KCNQ1: variants seen among roughly 807,000 people sequenced by gnomAD.
The protein encoded by KCNQ1 is potassium voltage-gated channel subfamily KQT member 1.
A neutral mutation model predicts 72.4 loss-of-function variants in KCNQ1; 49 were observed. That is an observed-to-expected ratio of 0.68 (90% CI 0.54 to 0.86). The LOEUF (loss-of-function observed/expected upper bound fraction) is 0.86. Ranked by LOEUF, KCNQ1 falls within the 40% of genes least tolerant of loss-of-function variation. The pLI is 0.00. For synonymous variants in KCNQ1, 450 were observed against 412.6 expected (o/e 1.09, Z -1.10); for missense variants, 790 against 945.1 (o/e 0.84, Z 2.15).
In KCNQ1 at chr11:2,781,935, C is replaced by T. The variant is rs983847810; in HGVS notation, c.1794+3898C>T. Among the ~76,000 whole-genome samples, 4 of 152,090 alleles carry T rather than the reference C, an allele frequency of 2.6e-5. No homozygotes were observed. Among genetic ancestry groups the T allele is most frequent in the Admixed American group, 2.6e-4 (4 of 15,280 alleles). ...ATCCAGGCCTCCAGGATGAGAATGCCCCCCAACCCAGGACTCCCAAAACCA... is the reference window on the plus strand; with the variant it reads ...ATCCAGGCCTCCAGGATGAGAATGCTCCCCAACCCAGGACTCCCAAAACCA... On this transcript the variant is annotated intron_variant, in intron 15 of 15. Transcript: ENST00000155840. The surrounding 1 kb of genome is among the most constrained non-coding windows in gnomAD (Gnocchi z 6.6).
rs12720450 is a variant in KCNQ1 at position 2,588,702 on chromosome 11, G to GT, written c.1252-3dup. The GT allele has an allele frequency of 1.2e-5, 20 of 1,612,326 alleles. No individual in the cohort carries two copies. The highest frequency in any genetic ancestry group is 4.0e-5 in the African/African-American group (3 of 74,810). On this transcript the variant is annotated splice_polypyrimidine_tract_variant and intron_variant, in intron 9 of 15. Transcript: ENST00000155840. This position sits in a 1 kb window ranked among gnomAD's most constrained non-coding sequence, Gnocchi z 5.6. ...CCAGGAACCGCTAATCTGTTGTCTT[G>GT]TTTTTTTTAGGTAAAGAAAAAAAAG...
In KCNQ1 at chr11:2,642,778, C is replaced by CT. The variant is rs1186699835; in HGVS notation, c.1394-19177dup. The CT allele has an allele frequency of 7.6e-6, 3 of 397,290 alleles. No individual in the cohort carries two copies. Among genetic ancestry groups the CT allele is most frequent in the East Asian group, 3.6e-5 (1 of 27,922 alleles). 24.6% of individuals were successfully genotyped at this position (397,290 alleles called of 1,614,324 possible). On this transcript the variant is annotated intron_variant, in intron 10 of 15. Coordinates refer to ENST00000155840, the MANE Select transcript of KCNQ1 (RefSeq NM_000218.3). The surrounding 1 kb of genome is among the most constrained non-coding windows in gnomAD (Gnocchi z 4.3). The stretch of plus-strand genomic sequence containing the variant: ...TTAGATTATTTAAGATCTTTTCTAC[C>CT]TTTTTTAATGGAGGCATTTATTACA...
intron 15 of KCNQ1, among the ~76,000 whole-genome samples, chr11:2,837,050 C>T (rs549616355): frequency 3.9e-5 from 6 of 152,194 alleles, no homozygotes; most frequent in East Asian, 1.9e-4. Flanking sequence ...GCTGGGGGCA[C>T]GGGGCATGGC....
At position 2,661,276 on chromosome 11, in the gene KCNQ1, C is replaced by T. The variant is rs1040721064; in HGVS notation, c.1394-685C>T. The T allele has an allele frequency of 2.8e-5, 11 of 399,000 alleles. No individual in the cohort carries two copies. The highest frequency in any genetic ancestry group is 1.3e-4 in the South Asian group (1 of 7,862). The allele number at this position is 399,000 out of a possible 1,614,324, so 24.7% of individuals were successfully genotyped here. On this transcript the variant is annotated intron_variant, in intron 10 of 15. Coordinates refer to ENST00000155840, the MANE Select transcript of KCNQ1 (RefSeq NM_000218.3). This position sits in a 1 kb window ranked among gnomAD's most constrained non-coding sequence, Gnocchi z 5.9. ...ATATTTAAATGAAGACAAATATAAG[C>T]CAAGAGCAAATACTGATAGTGTCAA...
At position 2,807,280 on chromosome 11, in the gene KCNQ1, G is replaced by A. The variant is rs151267023; in HGVS notation, c.1794+29243G>A. ...GCTCTGAAAGGCCTCCTATTCTGCT[G>A]GAAGCTAATTGGCCCGGGGTCTTCC... On this transcript the variant is annotated intron_variant, in intron 15 of 15. Coordinates refer to ENST00000155840, the MANE Select transcript of KCNQ1 (RefSeq NM_000218.3). Among the ~76,000 whole-genome samples, 688 of 152,312 alleles carry A rather than the reference G, an allele frequency of 4.5e-3. 23 individuals carry two copies. In the East Asian group the frequency reaches 0.085, roughly 19 times the overall value.
rs12720455 is a variant in KCNQ1 at position 2,847,711 on chromosome 11, C to G, written c.1795-56C>G. 4 of 1,510,368 alleles carry G rather than the reference C, an allele frequency of 2.6e-6. No homozygotes were observed. The African/African-American group carries it at 4.1e-5, about 16-fold the overall frequency. The allele number at this position is 1,510,368 out of a possible 1,614,324, so 93.6% of individuals were successfully genotyped here. A position where few individuals can be genotyped will look rare whatever the true frequency, so the allele number is the denominator to read the frequency against. On this transcript the variant is annotated intron_variant, in intron 15 of 15. Transcript: ENST00000155840. Reference sequence around the variant, plus strand: ...CCCCAAACCTGGGCCCTGAGGCTGTCTGCACACCTGGGTGCTTCCCACCAC... The same window carrying G: ...CCCCAAACCTGGGCCCTGAGGCTGTGTGCACACCTGGGTGCTTCCCACCAC...
chr11:2,475,800 AG>A lies in KCNQ1; in HGVS notation c.386+30317del, dbSNP rs1380266395. On this transcript the variant is annotated intron_variant, in intron 1 of 15. Transcript: ENST00000155840. This position sits in a 1 kb window ranked among gnomAD's most constrained non-coding sequence, Gnocchi z 5.8. ...CTCATAAGATCTGATGGTTTTAAAAAGAGGCATTCCGCTACACAAGCTCTCT... is the reference window on the plus strand; with the variant it reads ...CTCATAAGATCTGATGGTTTTAAAAAAGGCATTCCGCTACACAAGCTCTCT... Among the ~76,000 whole-genome samples, 1 of 152,228 alleles carries A rather than the reference AG, an allele frequency of 6.6e-6. No homozygotes were observed. The highest frequency in any genetic ancestry group is 1.5e-5 in the Non-Finnish European group (1 of 68,046).
Position 2,766,013 on chromosome 11 carries a change from T to C in KCNQ1, c.1515-2831T>C, listed in dbSNP as rs1444843483. ...CTCCAAGCTGGCTATTTTCTTTGGG[T>C]TCACAGCTATTCTTTTCTACTCTGT... On this transcript the variant is annotated intron_variant, in intron 11 of 15. Coordinates refer to ENST00000155840, the MANE Select transcript of KCNQ1 (RefSeq NM_000218.3). This position sits in a 1 kb window ranked among gnomAD's most constrained non-coding sequence, Gnocchi z 4.4. 6.6e-6 allele frequency among the ~76,000 whole-genome samples: 1 copy of C among 152,204 alleles called. No individual in the cohort carries two copies. Among genetic ancestry groups the C allele is most frequent in the Non-Finnish European group, 1.5e-5 (1 of 68,036 alleles).
At chr11:2,771,312 A>G (rs561332636) in intron 12 of KCNQ1, 2 of 152,322 alleles carry the variant, frequency 1.3e-5, no homozygotes, top group Non-Finnish European at 2.9e-5. Flanking sequence ...GGACACTGGC[A>G]TTGAGGTTGA....
chr11:2,590,575 C>T (rs1848658046), intron 10 of KCNQ1, among the ~76,000 whole-genome samples: 1 of 152,236 alleles, frequency 6.6e-6, no homozygotes, highest in African/African-American at 2.4e-5. Flanking sequence ...AAGCCCACTC[C>T]CCTTTGACCA....
In KCNQ1 at chr11:2,494,006, G is replaced by T. The variant is rs1846873408; in HGVS notation, c.387-33922G>T. Among the ~76,000 whole-genome samples the T allele has an allele frequency of 6.6e-6, 1 of 151,998 alleles. No homozygotes were observed. The highest frequency in any genetic ancestry group is 2.1e-4 in the South Asian group (1 of 4,822). On this transcript the variant is annotated intron_variant, in intron 1 of 15. Transcript: ENST00000155840. This position sits in a 1 kb window ranked among gnomAD's most constrained non-coding sequence, Gnocchi z 4.6. ...CATGGAATTTTTTTTCCATTTGTTT[G>T]TGTCCTTTCCTTTCCTTCAGCAGTG...
At chr11:2,795,154 C>A (rs1847106202) in intron 15 of KCNQ1, among the ~76,000 whole-genome samples, 1 of 152,252 alleles carries the variant, frequency 6.6e-6, no homozygotes, top group Non-Finnish European at 1.5e-5. Context: ...TGACCTTCCG[C>A]TGCGTCAGTC....
At chr11:2,456,741 G>A (rs1305701628) in intron 1 of KCNQ1, among the ~76,000 whole-genome samples, 1 of 116,534 alleles carries the variant, frequency 8.6e-6, no homozygotes, top group Non-Finnish European at 1.7e-5. Context: ...CTAACATGGT[G>A]AAACCCTGTC....
At position 2,659,467 on chromosome 11, in the gene KCNQ1, C is replaced by T; in HGVS notation, c.1394-2494C>T. On this transcript the variant is annotated intron_variant, in intron 10 of 15. Coordinates refer to ENST00000155840, the MANE Select transcript of KCNQ1 (RefSeq NM_000218.3). The surrounding 1 kb of genome is among the most constrained non-coding windows in gnomAD (Gnocchi z 4.3). ...TTCTTTTTATTGCTGGGTGGTATTC[C>T]ATTGCATGAATATATACATTTTGTT... The T allele has an allele frequency of 2.5e-6, 1 of 398,518 alleles. No individual in the cohort carries two copies. The highest frequency in any genetic ancestry group is 4.4e-6 in the Non-Finnish European group (1 of 226,034). 24.7% of individuals were successfully genotyped at this position (398,518 alleles called of 1,614,324 possible). A position where few individuals can be genotyped will look rare whatever the true frequency, so the allele number is the denominator to read the frequency against.
In KCNQ1 at chr11:2,690,424, T is replaced by A; in HGVS notation, c.1514+28343T>A. On this transcript the variant is annotated intron_variant, in intron 11 of 15. Coordinates refer to ENST00000155840, the MANE Select transcript of KCNQ1 (RefSeq NM_000218.3). The surrounding 1 kb of genome is among the most constrained non-coding windows in gnomAD (Gnocchi z 5.1). ...TCTCTCTCCCTGCGAAAGGCTGGGG[T>A]CCTGGGAGCTAGAGCTGGGTTAAGA... 2.5e-6 allele frequency: 1 copy of A among 398,504 alleles called. No homozygotes were observed. Among genetic ancestry groups the A allele is most frequent in the Non-Finnish European group, 4.4e-6 (1 of 226,078 alleles). 24.7% of individuals were successfully genotyped at this position (398,504 alleles called of 1,614,324 possible). A position where few individuals can be genotyped will look rare whatever the true frequency, so the allele number is the denominator to read the frequency against.
chr11:2,688,825 AAG>A (rs1850541176), intron 11 of KCNQ1: 5 of 398,740 alleles, frequency 1.3e-5, no homozygotes, highest in Admixed American at 8.8e-5. Context: ...CCATCCCACA[AAG>A]AGAGATGGCA....
intron 11 of KCNQ1, among the ~76,000 whole-genome samples, chr11:2,747,887 C>T (rs546909604): frequency 1.3e-5 from 2 of 152,142 alleles, no homozygotes; most frequent in East Asian, 1.9e-4. Context: ...CCAGCTTCCC[C>T]GGGCTTTACC....
At position 2,571,902 on chromosome 11, in the gene KCNQ1, C is replaced by T. The variant is rs113603166; in HGVS notation, c.684-111C>T. 2.8e-4 allele frequency: 240 copies of T among 849,300 alleles called. 1 individual carries two copies. The highest frequency in any genetic ancestry group is 2.7e-3 in the African/African-American group (162 of 59,886). 52.6% of individuals were successfully genotyped at this position (849,300 alleles called of 1,614,324 possible). On this transcript the variant is annotated intron_variant, in intron 4 of 15. Coordinates refer to ENST00000155840, the MANE Select transcript of KCNQ1 (RefSeq NM_000218.3). ...ACCCAGCCTCCCCACCCAGAGTGGA[C>T]GCCTGGGAGGGGCAGGGGCAGGGAC...
At chr11:2,530,343 T>G (rs2133654740) in intron 2 of KCNQ1, among the ~76,000 whole-genome samples, 1 of 152,292 alleles carries the variant, frequency 6.6e-6, no homozygotes, top group South Asian at 2.1e-4. Flanking sequence ...ACTGCAGGAG[T>G]GGGCACGGCA....
Sources: gnomAD v4.1 joint callset for allele counts (sites outside exome capture counted in the v4.1 genomes callset) on GRCh38, gnomAD v4.1.1 for gene constraint, Gnocchi (gnomAD v3.1) non-coding constraint, MANE v1.5 for transcripts, NCBI Gene and HGNC (gene_info 2026-07-23, HGNC 2026-07-21) for gene names.